CPLX2: variants seen among roughly 807,000 people sequenced by gnomAD.
CPLX2 encodes the protein complexin-2.
CPLX2 carries 5 observed loss-of-function variants against 16.3 expected under a neutral mutation model. That is an observed-to-expected ratio of 0.31 (90% CI 0.16 to 0.64). CPLX2 has a LOEUF of 0.64. Among genes scored for constraint, CPLX2 ranks in the 30% least tolerant of loss-of-function variants. CPLX2 has a pLI of 0.79. For synonymous variants in CPLX2, 89 were observed against 73.2 expected (o/e 1.22, Z -1.10); for missense variants, 144 against 181.4 (o/e 0.79, Z 1.18).
intron 2 of CPLX2, among the ~76,000 whole-genome samples, chr5:175,828,240 G>A (rs1029754052): frequency 1.3e-5 from 2 of 152,144 alleles, no homozygotes; most frequent in East Asian, 1.9e-4. Flanking sequence ...CCGGATCTGG[G>A]TCCTGAGAAA....
At chr5:175,810,538 A>G (rs1758295284) in intron 2 of CPLX2, among the ~76,000 whole-genome samples, 2 of 152,204 alleles carry the variant, frequency 1.3e-5, no homozygotes, top group Non-Finnish European at 2.9e-5. Context: ...GCTTAGTGCA[A>G]GACCTGCACA....
intron 2 of CPLX2, among the ~76,000 whole-genome samples, chr5:175,848,084 CAAAG>C (rs985513959): frequency 2.0e-5 from 3 of 152,170 alleles, no homozygotes; most frequent in Admixed American, 6.5e-5. Context: ...AGGCTGGCAG[CAAAG>C]AGACACTGCA....
chr5:175,882,877 G>A lies in CPLX2; in HGVS notation c.*2832G>A, dbSNP rs1356733201. The A allele has an allele frequency of 6.6e-6, 1 of 152,450 alleles. No homozygotes were observed. Among genetic ancestry groups the A allele is most frequent in the Admixed American group, 6.5e-5 (1 of 15,282 alleles). The allele number at this position is 152,450 out of a possible 1,614,324, so 9.4% of individuals were successfully genotyped here. A position where few individuals can be genotyped will look rare whatever the true frequency, so the allele number is the denominator to read the frequency against. On this transcript the variant is annotated 3_prime_UTR_variant, in exon 4 of 4. Transcript: ENST00000393745. ...CAGAGAGCCTGTCTGTGTGGAGCAC[G>A]TAGTGCACAGAATACGTGAGAGTTG...
In CPLX2 at chr5:175,874,386, G is replaced by C. The variant is rs531166872; in HGVS notation, c.-89+2681G>C. Reference sequence around the variant, plus strand: ...AATTCCTTGCATGATCTGTTATCCAGCTTCTACCTCCCCAGCCCAACTGAA... The same window carrying C: ...AATTCCTTGCATGATCTGTTATCCACCTTCTACCTCCCCAGCCCAACTGAA... On this transcript the variant is annotated intron_variant, in intron 1 of 3. Coordinates refer to ENST00000393745, the MANE Select transcript of CPLX2 (RefSeq NM_001008220.2). Among the ~76,000 whole-genome samples the C allele has an allele frequency of 1.3e-4, 20 of 152,306 alleles. No homozygotes were observed. The South Asian group carries it at 3.7e-3, about 28-fold the overall frequency.
At chr5:175,826,360 G>A (rs1758614612) in intron 2 of CPLX2, among the ~76,000 whole-genome samples, 1 of 152,172 alleles carries the variant, frequency 6.6e-6, no homozygotes, top group South Asian at 2.1e-4. Flanking sequence ...TAGGGCAGGA[G>A]CGCAAGGCTG....
chr5:175,823,042 C>CA (rs371018355), intron 2 of CPLX2, among the ~76,000 whole-genome samples: 10 of 152,166 alleles, frequency 6.6e-5, no homozygotes, highest in Non-Finnish European at 7.4e-5. Context: ...GTCATCTCCT[C>CA]AAAAAAAAGT....
chr5:175,801,233 C>T (rs530973113), intron 1 of CPLX2, among the ~76,000 whole-genome samples: 1 of 149,872 alleles, frequency 6.7e-6, no homozygotes, highest in East Asian at 2.0e-4. Context: ...TATGGGGGTG[C>T]TGGGCTGAGC....
upstream of CPLX2, among the ~76,000 whole-genome samples, chr5:175,870,907 C>T (rs377421411): frequency 5.3e-5 from 8 of 152,250 alleles, no homozygotes; most frequent in East Asian, 5.8e-4. Flanking sequence ...CTTGCCCACA[C>T]GCTCCATCAG....
At position 175,879,020 on chromosome 5, in the gene CPLX2, T is replaced by C. The variant is rs984935215; in HGVS notation, c.144T>C (p.Arg48=). The part of the protein sequence containing the change: ...QEALRQQEEE[R]KAKHARMEAE... Reference sequence around the variant, plus strand: ...CGCTGCGGCAGCAGGAGGAGGAGCGTAAGGCCAAGCACGCGCGCATGGAGG... The same window carrying C: ...CGCTGCGGCAGCAGGAGGAGGAGCGCAAGGCCAAGCACGCGCGCATGGAGG... The change falls in exon 3 of 4, where the codon CGT becomes CGC. Residue 48 remains arginine, a synonymous_variant. Transcript: ENST00000393745. 7 of 1,594,920 alleles carry C rather than the reference T, an allele frequency of 4.4e-6. No individual in the cohort carries two copies. Among genetic ancestry groups the C allele is most frequent in the South Asian group, 2.3e-5 (2 of 87,832 alleles).
At chr5:175,873,293 A>C (rs1003186282) in intron 1 of CPLX2, among the ~76,000 whole-genome samples, 1 of 151,512 alleles carries the variant, frequency 6.6e-6, no homozygotes, top group African/African-American at 2.4e-5. Flanking sequence ...ACACGCACGC[A>C]CTCACACGAT....
chr5:175,879,187 C>T (rs1163133752), intron 3 of CPLX2, 104 bp downstream of exon 3: 6 of 1,231,674 alleles, frequency 4.9e-6, no homozygotes, highest in African/African-American at 3.1e-5. Context: ...CTCTCACCTT[C>T]GCCCTAGTTC....
At chr5:175,806,859 TCTC>T (rs1758215210) in intron 1 of CPLX2, among the ~76,000 whole-genome samples, 1 of 152,104 alleles carries the variant, frequency 6.6e-6, no homozygotes, top group African/African-American at 2.4e-5. Flanking sequence ...GCAGAGTCAT[TCTC>T]CTACTTAGTT....
chr5:175,842,522 C>T (rs1015260917), intron 2 of CPLX2, among the ~76,000 whole-genome samples: 3 of 152,234 alleles, frequency 2.0e-5, no homozygotes, highest in Admixed American at 2.0e-4. Context: ...TTGTGCCTTC[C>T]TCCTCGAGTT....
intron 2 of CPLX2, among the ~76,000 whole-genome samples, chr5:175,839,437 C>T (rs1330351362): frequency 6.6e-6 from 1 of 152,094 alleles, no homozygotes; most frequent in Non-Finnish European, 1.5e-5. Flanking sequence ...GGGCATGCAC[C>T]ACCATGCCCG....
intron 1 of CPLX2, among the ~76,000 whole-genome samples, chr5:175,799,557 T>TATATAC (rs1758052865): frequency 7.1e-6 from 1 of 140,600 alleles, no homozygotes; most frequent in African/African-American, 2.7e-5. Flanking sequence ...TATATATATA[T>TATATAC]ATATATATAT....
chr5:175,864,962 T>C (rs1355666700), intron 2 of CPLX2, among the ~76,000 whole-genome samples: 1 of 152,208 alleles, frequency 6.6e-6, no homozygotes, highest in Admixed American at 6.5e-5. Flanking sequence ...ATCCGTAAAC[T>C]GAGGACACTG....
chr5:175,880,289 C>CG lies in CPLX2; in HGVS notation c.*244_*245insG, dbSNP rs1561794228. 110 of 599,546 alleles carry CG rather than the reference C, an allele frequency of 1.8e-4. No homozygotes were observed. The highest frequency in any genetic ancestry group is 1.6e-3 in the African/African-American group (87 of 53,538). The allele number at this position is 599,546 out of a possible 1,614,324, so 37.1% of individuals were successfully genotyped here. A position where few individuals can be genotyped will look rare whatever the true frequency, so the allele number is the denominator to read the frequency against. On this transcript the variant is annotated 3_prime_UTR_variant, in exon 4 of 4. Coordinates refer to ENST00000393745, the MANE Select transcript of CPLX2 (RefSeq NM_001008220.2). ...AGGACAGTCTTTCCCCAGCAGGGGT[C>CG]AGGGGGGCCCCTCAGGAAGCCTAAG...
At chr5:175,816,979 C>T (rs867419946) in intron 2 of CPLX2, among the ~76,000 whole-genome samples, 4 of 152,272 alleles carry the variant, frequency 2.6e-5, no homozygotes, top group African/African-American at 4.8e-5. Flanking sequence ...CAACATCTTA[C>T]GTGGTGTCCA....
chr5:175,858,059 G>T (rs188236988), intron 2 of CPLX2, among the ~76,000 whole-genome samples: 1 of 152,350 alleles, frequency 6.6e-6, no homozygotes, highest in Non-Finnish European at 1.5e-5. Flanking sequence ...GGAAACTTAG[G>T]CTCAGAGTGG....
Sources: allele counts gnomAD v4.1 joint callset (sites outside exome capture counted in the v4.1 genomes callset), GRCh38; gene constraint gnomAD v4.1.1; transcripts MANE v1.5; gene names NCBI Gene and HGNC (gene_info 2026-07-23, HGNC 2026-07-21).